The following CACNA1D variants were observed in gnomAD, a reference collection of about 807,000 sequenced individuals.
The protein encoded by CACNA1D is voltage-dependent L-type calcium channel subunit alpha-1D.
CACNA1D carries 55 observed loss-of-function variants against 257.1 expected under a neutral mutation model. The observed-to-expected ratio is 0.21, with a 90% CI of 0.17 to 0.27. The LOEUF is 0.27. Ranked by LOEUF, CACNA1D falls within the 10% of genes least tolerant of loss-of-function variation. CACNA1D has a pLI of 1.00. For synonymous variants in CACNA1D, 980 were observed against 1,014.9 expected (o/e 0.97, Z 0.65); for missense variants, 1,876 against 2,784.0 (o/e 0.67, Z 7.34).
chr3:53,673,631 ACT>A lies in CACNA1D; in HGVS notation c.1220+506_1220+507del, dbSNP rs1244036018. 2.0e-6 allele frequency: 2 copies of A among 992,750 alleles called. No homozygotes were observed. The highest frequency in any genetic ancestry group is 3.3e-6 in the Non-Finnish European group (2 of 613,510). 61.5% of individuals were successfully genotyped at this position (992,750 alleles called of 1,614,324 possible). Reference sequence around the variant, plus strand: ...TAGGAGCACTAACCTTCAGCAAAGCACTGAGAGGTTTGGCAGCTGCAACTGGG... The same window carrying A: ...TAGGAGCACTAACCTTCAGCAAAGCAGAGAGGTTTGGCAGCTGCAACTGGG... On this transcript the variant is annotated intron_variant, in intron 8 of 47. Transcript: ENST00000350061. This position sits in a 1 kb window ranked among gnomAD's most constrained non-coding sequence, Gnocchi z 4.1.
chr3:53,813,288 C>CAA lies in CACNA1D; in HGVS notation c.*1885_*1886dup, dbSNP rs1559740360. On this transcript the variant is annotated 3_prime_UTR_variant, in exon 48 of 48. Transcript: ENST00000350061. ...ACATAAATCCTTTTTTATTAAAATG[C>CAA]AAAATGTTCTTCAGAATAAAACTGT... 1 of 152,132 alleles carries CAA rather than the reference C, an allele frequency of 6.6e-6. No homozygotes were observed. The highest frequency in any genetic ancestry group is 2.1e-4 in the South Asian group (1 of 4,820). The allele number at this position is 152,132 out of a possible 1,614,324, so 9.4% of individuals were successfully genotyped here.
chr3:53,747,893 C>G (rs918492965), intron 26 of CACNA1D, among the ~76,000 whole-genome samples: 11 of 152,212 alleles, frequency 7.2e-5, no homozygotes, highest in Admixed American at 6.5e-4. Flanking sequence ...CATTTACAGA[C>G]CATGCTGTGC....
At chr3:53,754,995 G>A (rs714786) in intron 29 of CACNA1D, among the ~76,000 whole-genome samples, 37,694 of 152,182 alleles carry the variant, frequency 0.25, 5,957 homozygotes, top group Non-Finnish European at 0.36. Flanking sequence ...GGCACCTAAT[G>A]CATGGCCAGA....
intron 3 of CACNA1D, among the ~76,000 whole-genome samples, chr3:53,573,878 T>A (rs1410439327): frequency 6.6e-6 from 1 of 152,248 alleles, no homozygotes; most frequent in African/African-American, 2.4e-5. Flanking sequence ...AAGAGCACAG[T>A]TCAATGACAT....
intron 43 of CACNA1D, among the ~76,000 whole-genome samples, chr3:53,802,816 C>T (rs551505096): frequency 1.3e-5 from 2 of 152,328 alleles, no homozygotes; most frequent in East Asian, 3.9e-4. Context: ...GACATCACCA[C>T]GTCCTTCTCT....
At chr3:53,623,285 A>G (rs2093719513) in intron 3 of CACNA1D, among the ~76,000 whole-genome samples, 1 of 152,264 alleles carries the variant, frequency 6.6e-6, no homozygotes, top group East Asian at 1.9e-4. Flanking sequence ...TTACTTTAAA[A>G]TACTCATAAC....
At chr3:53,651,063 T>C in intron 4 of CACNA1D, 145 bp downstream of exon 4, 1 of 731,688 alleles carries the variant, frequency 1.4e-6, no homozygotes. Flanking sequence ...CAGGAGTTCT[T>C]TTAAGGCTGG....
intron 3 of CACNA1D, among the ~76,000 whole-genome samples, chr3:53,528,515 A>G (rs2091840951): frequency 1.3e-5 from 2 of 152,148 alleles, no homozygotes; most frequent in African/African-American, 4.8e-5. Flanking sequence ...TGGCTATTCT[A>G]GGTCCTTTGC....
At chr3:53,598,430 A>C (rs993307567) in intron 3 of CACNA1D, among the ~76,000 whole-genome samples, 1 of 151,378 alleles carries the variant, frequency 6.6e-6, no homozygotes, top group African/African-American at 2.4e-5. Flanking sequence ...AAAAAAACCC[A>C]AAAATTAGTT....
At chr3:53,769,163 C>T (rs762467062) in intron 30 of CACNA1D, among the ~76,000 whole-genome samples, 1 of 152,234 alleles carries the variant, frequency 6.6e-6, no homozygotes, top group African/African-American at 2.4e-5. Context: ...TGAGGCAAGG[C>T]CCCTGCCCTC....
Position 53,808,763 on chromosome 3 carries a change from A to C in CACNA1D, c.5864A>C (p.Gln1955Pro). ...HRTALPLHLM[Q>P]QQIMAVAGLD... ...ACGGCCCTGCCTCTGCATCTAATGC[A>C]GCAACAGGTGAGCGGCCCACCTGGC... The change falls in exon 46 of 48, where the codon CAG becomes CCG. Residue 1955 changes from glutamine to proline, a missense_variant. Coordinates refer to ENST00000350061, the MANE Select transcript of CACNA1D (RefSeq NM_001128840.3). The C allele has an allele frequency of 6.2e-7, 1 of 1,606,806 alleles. No homozygotes were observed.
chr3:53,650,444 A>G (rs2094077813), intron 3 of CACNA1D, among the ~76,000 whole-genome samples: 1 of 152,260 alleles, frequency 6.6e-6, no homozygotes, highest in Admixed American at 6.5e-5. Context: ...GGAGGAAAGC[A>G]TGCTGCGTTT....
At chr3:53,520,895 T>TTTCTTTCTTTCTTTCTTTC (rs1553713023) in intron 3 of CACNA1D, among the ~76,000 whole-genome samples, 12 of 86,854 alleles carry the variant, frequency 1.4e-4, no homozygotes, top group Non-Finnish European at 2.5e-4. Context: ...TCTTTCTTTC[T>TTTCTTTCTTTCTTTCTTTC]TTTCTTTTCT....
At chr3:53,730,420 G>T in intron 15 of CACNA1D, 22 bp from the exon 16 acceptor site, 2 of 1,491,018 alleles carry the variant, frequency 1.3e-6, no homozygotes, top group Non-Finnish European at 1.9e-6. Flanking sequence ...AGTGTGTTGT[G>T]CCCTTAAAAA....
At chr3:53,608,408 A>G (rs566677402) in intron 3 of CACNA1D, among the ~76,000 whole-genome samples, 1 of 152,300 alleles carries the variant, frequency 6.6e-6, no homozygotes, top group African/African-American at 2.4e-5. Context: ...AGACATATAG[A>G]TCATGTCATT....
At chr3:53,759,418 T>G (rs1454760342) in intron 29 of CACNA1D, among the ~76,000 whole-genome samples, 1 of 152,052 alleles carries the variant, frequency 6.6e-6, no homozygotes, top group Non-Finnish European at 1.5e-5. Flanking sequence ...CTTTGGGAAA[T>G]GACATAAATA....
intron 35 of CACNA1D, 126 bp downstream of exon 35, chr3:53,776,171 C>T (rs2095395924): frequency 1.2e-5 from 11 of 890,446 alleles, no homozygotes; most frequent in Admixed American, 3.7e-5. Context: ...ACTCTGGACT[C>T]CACTTGGCAG....
intron 40 of CACNA1D, chr3:53,791,079 T>C (rs1046479450): frequency 5.7e-6 from 4 of 700,302 alleles, no homozygotes; most frequent in African/African-American, 3.5e-5. Context: ...GGGAAAAGTC[T>C]CAAGTGGGCT....
chr3:53,659,972 T>C (rs1001068005), intron 4 of CACNA1D, among the ~76,000 whole-genome samples, 161 bp from the exon 5 acceptor site: 1 of 152,366 alleles, frequency 6.6e-6, no homozygotes. Context: ...TGGCGTCGTT[T>C]GTATTCCAAT....
Sources: allele counts gnomAD v4.1 joint callset (sites outside exome capture counted in the v4.1 genomes callset), GRCh38; gene constraint gnomAD v4.1.1; non-coding constraint Gnocchi (gnomAD v3.1); transcripts MANE v1.5; gene names NCBI Gene and HGNC (gene_info 2026-07-23, HGNC 2026-07-21).